Variants in CMC1 observed in about 807,000 individuals in gnomAD.
CMC1 encodes the protein C-X9-C motif containing 1.
Under a neutral mutation model 14.1 loss-of-function variants are expected in CMC1, and 14 were observed. The observed-to-expected ratio is 0.99, with a 90% CI of 0.66 to 1.55. The LOEUF (loss-of-function observed/expected upper bound fraction) is 1.55, where lower values mean the gene tolerates loss of function less well. Ranked by LOEUF, CMC1 falls within the 40% of genes most tolerant of loss-of-function variation. CMC1 has a pLI of 0.00. For missense variants in CMC1, 127 were observed against 123.8 expected (o/e 1.03, Z -0.12); for synonymous variants, 50 against 38.4 (o/e 1.30, Z -1.12).
Position 28,263,290 on chromosome 3 carries a change from G to A in CMC1, c.20-1G>A, listed in dbSNP as rs750884509. On this transcript the variant is annotated splice_acceptor_variant, in intron 1 of 3. Coordinates refer to ENST00000466830, the MANE Select transcript of CMC1 (RefSeq NM_182523.2). LOFTEE classifies it high-confidence loss of function. ...TTAAAGAAAGATCTTTTTTTTTTCAGACCAGCATCTCAGACATGTCGAAAA... is the reference window on the plus strand; with the variant it reads ...TTAAAGAAAGATCTTTTTTTTTTCAAACCAGCATCTCAGACATGTCGAAAA... The A allele has an allele frequency of 6.3e-7, 1 of 1,579,662 alleles. No individual in the cohort carries two copies. Among genetic ancestry groups the A allele is most frequent in the Non-Finnish European group, 8.6e-7 (1 of 1,165,622 alleles).
chr3:28,299,049 G>T (rs1379759678), intron 2 of CMC1, among the ~76,000 whole-genome samples: 1 of 152,032 alleles, frequency 6.6e-6, no homozygotes, highest in African/African-American at 2.4e-5. Context: ...AAATAGTGAG[G>T]TTGTTTTAAA....
intron 3 of CMC1, chr3:28,317,303 T>A (rs1315634596): frequency 6.6e-6 from 1 of 152,050 alleles, no homozygotes; most frequent in Non-Finnish European, 1.5e-5. Context: ...CTATATTTGC[T>A]ATATTTGTAA....
chr3:28,311,288 T>C (rs1702628177), intron 2 of CMC1, among the ~76,000 whole-genome samples: 1 of 152,204 alleles, frequency 6.6e-6, no homozygotes, highest in African/African-American at 2.4e-5. Flanking sequence ...AATTAAGTTA[T>C]ATTTGGCTTT....
intron 2 of CMC1, among the ~76,000 whole-genome samples, chr3:28,308,253 CTG>C (rs749115290): frequency 2.1e-4 from 32 of 151,892 alleles, no homozygotes; most frequent in Admixed American, 1.8e-3. Context: ...CAAACCTTAA[CTG>C]TATTCAGTGA....
intron 2 of CMC1, among the ~76,000 whole-genome samples, chr3:28,290,105 C>T (rs1434146950): frequency 6.6e-6 from 1 of 152,202 alleles, no homozygotes; most frequent in East Asian, 1.9e-4. Flanking sequence ...TATGAAAGTA[C>T]AGTTATACTT....
At chr3:28,290,365 A>G (rs1371563884) in intron 2 of CMC1, among the ~76,000 whole-genome samples, 4 of 152,068 alleles carry the variant, frequency 2.6e-5, no homozygotes, top group African/African-American at 9.7e-5. Flanking sequence ...TAGATTTGTG[A>G]CATGTAGAGT....
chr3:28,304,830 A>G (rs1480446887), intron 2 of CMC1, among the ~76,000 whole-genome samples: 1 of 152,136 alleles, frequency 6.6e-6, no homozygotes, highest in East Asian at 1.9e-4. Context: ...ATGTCCTTTG[A>G]TTGCCACTAA....
chr3:28,266,585 C>G (rs1196372555), intron 2 of CMC1, among the ~76,000 whole-genome samples: 1 of 151,722 alleles, frequency 6.6e-6, no homozygotes, highest in Non-Finnish European at 1.5e-5. Flanking sequence ...TCAAACAAGT[C>G]TCCCACCTTG....
chr3:28,317,079 A>G (rs1487658837), intron 3 of CMC1: 1 of 151,964 alleles, frequency 6.6e-6, no homozygotes, highest in Non-Finnish European at 1.5e-5. Context: ...ATGTTGAGAG[A>G]TCTTAGTTTT....
chr3:28,263,277 CT>C lies in CMC1; in HGVS notation c.20-4del, dbSNP rs550932330. ...GCTTGAGACTTTATTAAAGAAAGATCTTTTTTTTTTCAGACCAGCATCTCAG... is the reference window on the plus strand; with the variant it reads ...GCTTGAGACTTTATTAAAGAAAGATCTTTTTTTTTCAGACCAGCATCTCAG... On this transcript the variant is annotated splice_polypyrimidine_tract_variant and intron_variant, in intron 1 of 3. Transcript: ENST00000466830. The C allele has an allele frequency of 1.5e-3, 2,039 of 1,403,186 alleles. No individual in the cohort carries two copies. Among genetic ancestry groups the C allele is most frequent in the Admixed American group, 3.0e-3 (148 of 49,274 alleles). 86.9% of individuals were successfully genotyped at this position (1,403,186 alleles called of 1,614,324 possible).
intron 2 of CMC1, among the ~76,000 whole-genome samples, chr3:28,286,235 G>C (rs1026977500): frequency 5.3e-5 from 8 of 152,104 alleles, no homozygotes; most frequent in African/African-American, 1.9e-4. Flanking sequence ...TATTTTGTGT[G>C]GGCCTGTTTG....
chr3:28,299,728 C>T (rs1209911214), intron 2 of CMC1, among the ~76,000 whole-genome samples: 1 of 151,822 alleles, frequency 6.6e-6, no homozygotes, highest in Non-Finnish European at 1.5e-5. Context: ...ATACCTGGGA[C>T]ATTAAAAAAA....
chr3:28,307,792 A>G (rs754510785), intron 2 of CMC1, among the ~76,000 whole-genome samples: 2 of 152,224 alleles, frequency 1.3e-5, no homozygotes, highest in Non-Finnish European at 2.9e-5. Flanking sequence ...TTAAGACAAT[A>G]CAAATTCATT....
chr3:28,262,680 C>T (rs115710929), intron 1 of CMC1, among the ~76,000 whole-genome samples: 3,001 of 152,176 alleles, frequency 0.02, 44 homozygotes, highest in Middle Eastern at 0.048. Flanking sequence ...ACTGAAGGCA[C>T]TTATCCTTTG....
chr3:28,269,356 T>C (rs1700162054), intron 2 of CMC1, among the ~76,000 whole-genome samples: 2 of 152,232 alleles, frequency 1.3e-5, no homozygotes, highest in Admixed American at 6.5e-5. Context: ...GCAATAAAAT[T>C]ATATGTAGTT....
chr3:28,308,749 C>G (rs1393502580), intron 2 of CMC1, among the ~76,000 whole-genome samples: 1 of 152,108 alleles, frequency 6.6e-6, no homozygotes, highest in Non-Finnish European at 1.5e-5. Context: ...CTTTGGGAGG[C>G]CGAGGTGGGC....
chr3:28,310,993 C>T (rs1276000406), intron 2 of CMC1, among the ~76,000 whole-genome samples: 4 of 152,220 alleles, frequency 2.6e-5, no homozygotes, highest in African/African-American at 7.2e-5. Context: ...CCTCGCCAGA[C>T]GCTCACCTCC....
At chr3:28,282,652 A>G (rs1317243488) in intron 2 of CMC1, among the ~76,000 whole-genome samples, 7 of 152,148 alleles carry the variant, frequency 4.6e-5, no homozygotes, top group Admixed American at 2.6e-4. Context: ...GAAAGTTCAC[A>G]TTGTCAGGCT....
intron 2 of CMC1, among the ~76,000 whole-genome samples, chr3:28,300,623 CTCCCTCCATCCCTTTCCCTCCCTCCA>C (rs1559436248): frequency 7.5e-6 from 1 of 134,144 alleles, no homozygotes; most frequent in African/African-American, 3.1e-5. Context: ...CCCTCCCTCC[CTCCCTCCATCCCTTTCCCTCCCTCCA>C]TCCCTTTCCC....
Sources: gnomAD v4.1 joint callset for allele counts (sites outside exome capture counted in the v4.1 genomes callset) on GRCh38, gnomAD v4.1.1 for gene constraint, MANE v1.5 for transcripts, NCBI Gene and HGNC (gene_info 2026-07-23, HGNC 2026-07-21) for gene names.